The following RAPGEF2 variants were observed in gnomAD, a reference collection of about 807,000 sequenced individuals.
RAPGEF2 encodes the protein PDZ domain containing guanine nucleotide exchange factor (GEF) 1.
RAPGEF2 carries 54 observed loss-of-function variants against 186.7 expected under a neutral mutation model. The observed-to-expected ratio is 0.29, with a 90% confidence interval of 0.23 to 0.36. The LOEUF is 0.36. Ranked by LOEUF, RAPGEF2 falls within the 10% of genes least tolerant of loss-of-function variation. The pLI is 1.00. For synonymous variants in RAPGEF2, 712 were observed against 705.9 expected, an observed-to-expected ratio of 1.01 and a Z score of -0.14; for missense variants, 1,532 against 2,045.0, an observed-to-expected ratio of 0.75 and a Z score of 4.84.
intron 25 of RAPGEF2, among the ~76,000 whole-genome samples, chr4:159,348,282 G>GGATA (rs928813197): frequency 1.2e-4 from 14 of 120,508 alleles, no homozygotes; most frequent in African/African-American, 3.5e-4. Context: ...ATGGATGGAT[G>GGATA]GATAGATAGA....
intron 7 of RAPGEF2, among the ~76,000 whole-genome samples, chr4:159,251,665 A>G (rs1404926234): frequency 6.6e-6 from 1 of 152,076 alleles, no homozygotes. Flanking sequence ...GTCTAGCTAG[A>G]GGGTTGTAAA....
At chr4:159,130,921 G>C (rs1740981109) in intron 1 of RAPGEF2, among the ~76,000 whole-genome samples, 1 of 152,150 alleles carries the variant, frequency 6.6e-6, no homozygotes, top group Non-Finnish European at 1.5e-5. Flanking sequence ...TGTTGCCCAG[G>C]CTGGTCTCAA....
intron 3 of RAPGEF2, 114 bp from the exon 4 acceptor site, chr4:159,210,386 C>T: frequency 1.6e-6 from 1 of 632,862 alleles, no homozygotes; most frequent in Non-Finnish European, 2.7e-6. Flanking sequence ...GTGTTGTATG[C>T]TATTCTTTAT....
At chr4:159,201,072 G>T (rs1297756132) in intron 3 of RAPGEF2, among the ~76,000 whole-genome samples, 1 of 152,044 alleles carries the variant, frequency 6.6e-6, no homozygotes, top group African/African-American at 2.4e-5. Flanking sequence ...CTTTTGGCTT[G>T]ATATCATTGT....
At chr4:159,104,502 G>GAC (rs1253150331) in intron 1 of RAPGEF2, among the ~76,000 whole-genome samples, 1 of 124,112 alleles carries the variant, frequency 8.1e-6, no homozygotes, top group Non-Finnish European at 1.7e-5. Flanking sequence ...GAGAGAGAGA[G>GAC]AGAGAGAGAG....
chr4:159,127,232 G>A (rs534194982), intron 1 of RAPGEF2, among the ~76,000 whole-genome samples: 8 of 152,258 alleles, frequency 5.3e-5, no homozygotes, highest in African/African-American at 1.9e-4. Flanking sequence ...TCACCACATT[G>A]GCCAGGCTGG....
chr4:159,209,314 A>T (rs1379341939), intron 3 of RAPGEF2, among the ~76,000 whole-genome samples: 1 of 152,156 alleles, frequency 6.6e-6, no homozygotes, highest in Non-Finnish European at 1.5e-5. Flanking sequence ...CTTAAAAAAG[A>T]TGGTCTTATA....
In RAPGEF2 at chr4:159,205,649, C is replaced by T. The variant is rs138750798; in HGVS notation, c.198-4851C>T. On this transcript the variant is annotated intron_variant, in intron 3 of 29. Coordinates refer to ENST00000691494, the MANE Select transcript of RAPGEF2 (RefSeq NM_001394067.2). ...GATAGTGGATGAGTGTTCATGAGAT[C>T]TGGTGGTTTAAACATGTGTAGCACT... Among the ~76,000 whole-genome samples, 601 of 152,242 alleles carry T rather than the reference C, an allele frequency of 3.9e-3. 7 individuals are homozygous for T. Among genetic ancestry groups the T allele is most frequent in the South Asian group, 0.039 (188 of 4,826 alleles).
intron 4 of RAPGEF2, among the ~76,000 whole-genome samples, chr4:159,226,440 T>C (rs1259723704): frequency 6.6e-6 from 1 of 152,194 alleles, no homozygotes; most frequent in Non-Finnish European, 1.5e-5. Context: ...ATCCCTACTT[T>C]GTTCTTGATT....
At position 159,103,963 on chromosome 4, in the gene RAPGEF2, C is replaced by A. The variant is rs1394342600; in HGVS notation, c.-200C>A. 2 of 153,362 alleles carry A rather than the reference C, an allele frequency of 1.3e-5. No individual in the cohort carries two copies. Among genetic ancestry groups the A allele is most frequent in the South Asian group, 3.5e-4 (2 of 5,644 alleles). The allele number at this position is 153,362 out of a possible 1,614,324, so 9.5% of individuals were successfully genotyped here. On this transcript the variant is annotated 5_prime_UTR_variant, in exon 1 of 30. Coordinates refer to ENST00000691494, the MANE Select transcript of RAPGEF2 (RefSeq NM_001394067.2). ...ACCCTCCCGGCTGCGTCCAGCCCCT[C>A]GCGCCTGTACCGCGCTCTCGGCCGC...
chr4:159,332,846 A>T (rs563885755), intron 17 of RAPGEF2, 149 bp downstream of exon 17: 1 of 930,434 alleles, frequency 1.1e-6, no homozygotes, highest in East Asian at 2.8e-5. Flanking sequence ...AAACAATCAA[A>T]TTTGTTTTAA....
At chr4:159,271,064 T>C (rs534266161) in intron 7 of RAPGEF2, among the ~76,000 whole-genome samples, 1 of 152,284 alleles carries the variant, frequency 6.6e-6, no homozygotes, top group South Asian at 2.1e-4. Context: ...TGTTAATAGA[T>C]GGTAGATGAA....
intron 1 of RAPGEF2, among the ~76,000 whole-genome samples, chr4:159,154,361 C>T (rs1299791050): frequency 6.6e-6 from 1 of 152,080 alleles, no homozygotes; most frequent in African/African-American, 2.4e-5. Context: ...TATTGCCTAT[C>T]TCTTACTGGT....
intron 7 of RAPGEF2, among the ~76,000 whole-genome samples, chr4:159,252,872 CAAA>C (rs537747525): frequency 2.0e-5 from 3 of 152,042 alleles, no homozygotes. Context: ...AAAATTGAAA[CAAA>C]AAGTTTTAAA....
At chr4:159,138,156 T>C (rs1397423454) in intron 1 of RAPGEF2, among the ~76,000 whole-genome samples, 1 of 152,200 alleles carries the variant, frequency 6.6e-6, no homozygotes, top group Admixed American at 6.5e-5. Context: ...CATAGAGATT[T>C]TACATTGGTA....
intron 3 of RAPGEF2, among the ~76,000 whole-genome samples, chr4:159,198,271 CTTCTTTCTTTCTTTCTTTCT>C (rs201152378): frequency 0.092 from 9,585 of 104,232 alleles, 709 homozygotes; most frequent in East Asian, 0.15. Context: ...TCTTTCTTTC[CTTCTTTCTTTCTTTCTTTCT>C]TTCTTTCTTT....
chr4:159,143,152 C>T (rs1742530485), intron 1 of RAPGEF2, among the ~76,000 whole-genome samples: 1 of 152,056 alleles, frequency 6.6e-6, no homozygotes, highest in Non-Finnish European at 1.5e-5. Flanking sequence ...ATCACTTGAG[C>T]TCAGGAGTTC....
intron 7 of RAPGEF2, among the ~76,000 whole-genome samples, chr4:159,254,645 G>T (rs999628548): frequency 7.0e-5 from 9 of 129,204 alleles, no homozygotes; most frequent in African/African-American, 9.0e-5. Flanking sequence ...GTCTTGCTCT[G>T]TCACCCAGGC....
chr4:159,231,690 A>G (rs1270233448), intron 4 of RAPGEF2, among the ~76,000 whole-genome samples: 3 of 152,138 alleles, frequency 2.0e-5, no homozygotes, highest in African/African-American at 7.2e-5. Context: ...TTTTTTGAGC[A>G]CTGACATGGT....
Sources: gnomAD v4.1 joint callset for allele counts (sites outside exome capture counted in the v4.1 genomes callset) on GRCh38, gnomAD v4.1.1 for gene constraint, MANE v1.5 for transcripts, NCBI Gene and HGNC (gene_info 2026-07-23, HGNC 2026-07-21) for gene names.